MTPN: variants seen among roughly 807,000 people sequenced by gnomAD.
MTPN encodes the protein granule cell differentiation protein.
Under a neutral mutation model 13.5 loss-of-function variants are expected in MTPN, and 2 were observed. The observed-to-expected ratio is 0.15, with a 90% CI of 0.06 to 0.47. The LOEUF (loss-of-function observed/expected upper bound fraction) is 0.47. MTPN is among the 20% of genes least tolerant of loss of function. The pLI, the probability that MTPN is intolerant of heterozygous loss-of-function variation, is 0.97. For missense variants in MTPN, 79 were observed against 137.9 expected (o/e 0.57, Z 2.14); for synonymous variants, 46 against 51.7 (o/e 0.89, Z 0.48).
intron 3 of MTPN, among the ~76,000 whole-genome samples, chr7:135,936,302 T>C (rs1057265947): frequency 1.3e-5 from 2 of 152,156 alleles, no homozygotes; most frequent in Admixed American, 1.3e-4. Context: ...CTGGTCAACA[T>C]GGCGAAACCC....
intron 1 of MTPN, among the ~76,000 whole-genome samples, chr7:135,962,458 C>A (rs2116395745): frequency 6.6e-6 from 1 of 151,876 alleles, no homozygotes; most frequent in East Asian, 1.9e-4. Flanking sequence ...TTAAAGTATT[C>A]TATTAATGGC....
chr7:135,965,919 A>G (rs1799597492), intron 1 of MTPN, among the ~76,000 whole-genome samples: 1 of 152,208 alleles, frequency 6.6e-6, no homozygotes, highest in Non-Finnish European at 1.5e-5. Flanking sequence ...ATACAAATGT[A>G]ACGAAACTGT....
chr7:135,975,945 G>T (rs1311311230), intron 1 of MTPN, among the ~76,000 whole-genome samples: 4 of 152,206 alleles, frequency 2.6e-5, no homozygotes, highest in Non-Finnish European at 5.9e-5. Context: ...TCCTAACACA[G>T]CCTCTGAAGC....
At chr7:135,937,470 G>T (rs1204522846) in intron 3 of MTPN, among the ~76,000 whole-genome samples, 2 of 151,974 alleles carry the variant, frequency 1.3e-5, no homozygotes, top group Admixed American at 1.3e-4. Context: ...CCCTCTGTGT[G>T]TGAGGGGGAT....
intron 3 of MTPN, among the ~76,000 whole-genome samples, chr7:135,946,276 A>G (rs1178531387): frequency 6.6e-6 from 1 of 152,218 alleles, no homozygotes; most frequent in Non-Finnish European, 1.5e-5. Flanking sequence ...TATCCCAGAT[A>G]AGTGTCCTAT....
chr7:135,930,855 T>C (rs1799009507), intron 3 of MTPN, among the ~76,000 whole-genome samples: 1 of 152,170 alleles, frequency 6.6e-6, no homozygotes. Flanking sequence ...TTACCAGCTC[T>C]AGCTCCAGCC....
intron 1 of MTPN, among the ~76,000 whole-genome samples, chr7:135,970,979 T>G (rs1799685599): frequency 6.6e-6 from 1 of 152,128 alleles, no homozygotes; most frequent in Non-Finnish European, 1.5e-5. Context: ...CTAAAACCAA[T>G]AAATGCAAAG....
chr7:135,948,889 T>C (rs941489456), intron 3 of MTPN, among the ~76,000 whole-genome samples: 1 of 152,052 alleles, frequency 6.6e-6, no homozygotes, highest in Non-Finnish European at 1.5e-5. Flanking sequence ...GGTTTTTATT[T>C]TCAGAGAACA....
intron 3 of MTPN, among the ~76,000 whole-genome samples, chr7:135,944,596 G>A (rs1461965801): frequency 5.3e-5 from 8 of 151,946 alleles, no homozygotes; most frequent in Non-Finnish European, 4.4e-5. Flanking sequence ...CCTGTGAGCC[G>A]AGATCACGCC....
intron 3 of MTPN, chr7:135,932,545 C>T (rs192157348): frequency 6.6e-6 from 1 of 152,172 alleles, no homozygotes. Flanking sequence ...ACATTAGATA[C>T]AACTAATGTT....
At chr7:135,958,565 C>A (rs1799477955) in intron 1 of MTPN, among the ~76,000 whole-genome samples, 1 of 152,148 alleles carries the variant, frequency 6.6e-6, no homozygotes, top group African/African-American at 2.4e-5. Context: ...CAATTCAGAA[C>A]CTTGCTGATC....
chr7:135,954,756 C>T (rs1194127872), intron 1 of MTPN, among the ~76,000 whole-genome samples: 1 of 152,136 alleles, frequency 6.6e-6, no homozygotes, highest in East Asian at 1.9e-4. Flanking sequence ...TCCTTGCTAA[C>T]ACGGTGAAAC....
intron 3 of MTPN, among the ~76,000 whole-genome samples, chr7:135,945,494 T>C (rs76093811): frequency 0.023 from 3,521 of 152,236 alleles, 149 homozygotes; most frequent in African/African-American, 0.08. Context: ...TTTAAAACTT[T>C]TTTGTTGAAA....
chr7:135,930,758 C>T (rs1403228736), intron 3 of MTPN, among the ~76,000 whole-genome samples: 2 of 152,150 alleles, frequency 1.3e-5, no homozygotes, highest in Non-Finnish European at 2.9e-5. Context: ...TGGAAAAGTG[C>T]CTAGGTGCAT....
At chr7:135,964,459 C>A (rs1799575044) in intron 1 of MTPN, among the ~76,000 whole-genome samples, 1 of 152,042 alleles carries the variant, frequency 6.6e-6, no homozygotes, top group Non-Finnish European at 1.5e-5. Flanking sequence ...AAGCCAGGGA[C>A]AGGACTCACA....
At chr7:135,934,573 C>A (rs1430985146) in intron 3 of MTPN, among the ~76,000 whole-genome samples, 1 of 152,230 alleles carries the variant, frequency 6.6e-6, no homozygotes. Flanking sequence ...TGGACAACTA[C>A]AACCTAGGGT....
At chr7:135,954,813 G>T (rs1286743774) in intron 1 of MTPN, among the ~76,000 whole-genome samples, 1 of 152,062 alleles carries the variant, frequency 6.6e-6, no homozygotes, top group African/African-American at 2.4e-5. Flanking sequence ...CGTGGTGGTG[G>T]GCACCTGTAG....
intron 3 of MTPN, among the ~76,000 whole-genome samples, chr7:135,947,164 TATC>T (rs1299201761): frequency 6.6e-6 from 1 of 152,188 alleles, no homozygotes; most frequent in Non-Finnish European, 1.5e-5. Context: ...ACTTCTTACT[TATC>T]ATTCCCCTTC....
intron 3 of MTPN, among the ~76,000 whole-genome samples, chr7:135,944,003 T>C (rs1242452985): frequency 6.6e-6 from 1 of 152,200 alleles, no homozygotes. Context: ...TGCTGGGGTA[T>C]AACTTTTTCT....
Sources: allele counts gnomAD v4.1 joint callset (sites outside exome capture counted in the v4.1 genomes callset), GRCh38; gene constraint gnomAD v4.1.1; transcripts MANE v1.5; gene names NCBI Gene and HGNC (gene_info 2026-07-23, HGNC 2026-07-21).